SUPT3H: variants seen among roughly 807,000 people sequenced by gnomAD.
SUPT3H encodes the protein transcription initiation protein SPT3 homolog.
A neutral mutation model predicts 44.3 loss-of-function variants in SUPT3H; 44 were observed. The ratio of observed to expected loss-of-function variants is 0.99; its 90% CI spans 0.78 to 1.28. The LOEUF is 1.28. Among genes scored for constraint, SUPT3H ranks in the 50% most tolerant of loss-of-function variants. The pLI is 0.00. For synonymous variants in SUPT3H, 124 were observed against 125.6 expected (o/e 0.99, Z 0.09); for missense variants, 380 against 387.1 (o/e 0.98, Z 0.15).
chr6:45,152,886 C>CTGATCA lies in SUPT3H; in HGVS notation c.102-46886_102-46881dup, dbSNP rs574051360. 5.9e-4 allele frequency among the ~76,000 whole-genome samples: 90 copies of CTGATCA among 152,264 alleles called. 1 individual carries two copies. The highest frequency in any genetic ancestry group is 1.8e-3 in the African/African-American group (74 of 41,554). On this transcript the variant is annotated intron_variant, in intron 2 of 10. Transcript: ENST00000371459. ...ATACATTTAAATAAAATCACAACTC[C>CTGATCA]TGATCATGCCCTACAAGGTCTGGCT... is the stretch of plus-strand genomic sequence containing the variant.
intron 7 of SUPT3H, among the ~76,000 whole-genome samples, chr6:44,955,983 A>G (rs1211157469): frequency 7.3e-5 from 11 of 151,242 alleles, no homozygotes; most frequent in Admixed American, 7.2e-4. Context: ...TTAGCCAGGC[A>G]TGGTAGCGGG....
intron 2 of SUPT3H, among the ~76,000 whole-genome samples, chr6:45,115,797 A>G (rs976935702): frequency 4.6e-5 from 7 of 152,150 alleles, no homozygotes; most frequent in African/African-American, 1.7e-4. Context: ...CTGGGTCTAC[A>G]TCATGTCAGG....
chr6:44,996,117 T>C (rs528796502), intron 6 of SUPT3H, among the ~76,000 whole-genome samples: 74 of 151,994 alleles, frequency 4.9e-4, no homozygotes, highest in African/African-American at 1.7e-3. Flanking sequence ...GTAGGTCTAC[T>C]AGGCTGCAGT....
intron 11 of SUPT3H, among the ~76,000 whole-genome samples, chr6:44,809,779 A>G (rs1461030653): frequency 6.6e-6 from 1 of 152,194 alleles, no homozygotes; most frequent in East Asian, 1.9e-4. Context: ...AACAGATTTC[A>G]GGAGTAAAAA....
In SUPT3H at chr6:45,314,263, C is replaced by A. The variant is rs181135533; in HGVS notation, c.101+50938G>T. Among the ~76,000 whole-genome samples the A allele has an allele frequency of 7.9e-5, 12 of 152,258 alleles. No individual in the cohort carries two copies. The East Asian group carries it at 2.3e-3, about 29-fold the overall frequency. On this transcript the variant is annotated intron_variant, in intron 2 of 10. Transcript: ENST00000371459. ...AAGGATGCCCATTCTCACCACTCCTCTTCAACATAGTACTGGAAGTCTTAG... is the reference window on the plus strand; with the variant it reads ...AAGGATGCCCATTCTCACCACTCCTATTCAACATAGTACTGGAAGTCTTAG...
At chr6:45,076,030 C>T (rs1345331432) in intron 3 of SUPT3H, among the ~76,000 whole-genome samples, 2 of 152,024 alleles carry the variant, frequency 1.3e-5, no homozygotes, top group African/African-American at 2.4e-5. Context: ...CATTTATTAA[C>T]CTCATAATTT....
chr6:44,839,211 C>T (rs1770478532), intron 10 of SUPT3H, among the ~76,000 whole-genome samples: 1 of 152,156 alleles, frequency 6.6e-6, no homozygotes, highest in Admixed American at 6.5e-5. Flanking sequence ...GCCCAGATCA[C>T]CCTTATCACA....
rs113643238 is a variant in SUPT3H at position 44,971,738 on chromosome 6, A to G, written c.505-9910T>C. 8.9e-3 allele frequency among the ~76,000 whole-genome samples: 1,353 copies of G among 152,148 alleles called. 13 individuals are homozygous for G. The highest frequency in any genetic ancestry group is 0.025 in the South Asian group (120 of 4,798). On this transcript the variant is annotated intron_variant, in intron 6 of 10. Coordinates refer to ENST00000371459, the MANE Select transcript of SUPT3H (RefSeq NM_003599.4). The stretch of plus-strand genomic sequence containing the variant: ...CTCATGTCCTCACATTTCAAAACCA[A>G]TCATGCCTTCCCAACATCCCCCAAA...
At chr6:44,835,760 G>A (rs1461725727) in intron 10 of SUPT3H, among the ~76,000 whole-genome samples, 2 of 152,056 alleles carry the variant, frequency 1.3e-5, no homozygotes, top group Non-Finnish European at 2.9e-5. Flanking sequence ...CCACTCCCAA[G>A]CTTTATAGTA....
chr6:45,273,413 C>T (rs1776523605), intron 2 of SUPT3H, among the ~76,000 whole-genome samples: 1 of 152,124 alleles, frequency 6.6e-6, no homozygotes, highest in South Asian at 2.1e-4. Flanking sequence ...ACCCAAGCTT[C>T]CCCATAAATT....
chr6:44,887,710 T>C (rs953228119), intron 10 of SUPT3H, among the ~76,000 whole-genome samples: 2 of 150,742 alleles, frequency 1.3e-5, no homozygotes, highest in African/African-American at 4.9e-5. Context: ...TTAAAAGAAC[T>C]AGAAAAGCAA....
At chr6:45,342,002 A>T (rs1789876106) in intron 2 of SUPT3H, among the ~76,000 whole-genome samples, 1 of 150,330 alleles carries the variant, frequency 6.7e-6, no homozygotes, top group South Asian at 2.1e-4. Context: ...ACCTAGCATT[A>T]AAAAAAAACG....
At chr6:44,843,958 CAT>C (rs1332120833) in intron 10 of SUPT3H, among the ~76,000 whole-genome samples, 3 of 131,804 alleles carry the variant, frequency 2.3e-5, no homozygotes, top group East Asian at 2.2e-4. Flanking sequence ...CACACACACA[CAT>C]GCACAGAAAA....
At chr6:45,361,911 C>T (rs377345444) in intron 2 of SUPT3H, among the ~76,000 whole-genome samples, 1 of 152,052 alleles carries the variant, frequency 6.6e-6, no homozygotes, top group African/African-American at 2.4e-5. Context: ...ATCAGCCTGG[C>T]GTGGTAGCGC....
chr6:45,197,658 T>C, intron 2 of SUPT3H: 1 of 349,600 alleles, frequency 2.9e-6, no homozygotes, highest in Non-Finnish European at 5.7e-6. Flanking sequence ...CAATACTATT[T>C]TTTCATTTAC....
At chr6:45,377,174 G>A (rs534350391) in intron 1 of SUPT3H, 1 of 152,286 alleles carries the variant, frequency 6.6e-6, no homozygotes, top group Admixed American at 6.5e-5. Context: ...ACCTGGCGCT[G>A]TTCTAAGCGT....
chr6:45,030,032 T>C (rs528735118), intron 3 of SUPT3H, among the ~76,000 whole-genome samples: 69 of 152,168 alleles, frequency 4.5e-4, no homozygotes, highest in Non-Finnish European at 8.5e-4. Flanking sequence ...CCCAGAGTGC[T>C]GGGATTACAG....
At chr6:45,108,399 GAT>G (rs1410270174) in intron 2 of SUPT3H, among the ~76,000 whole-genome samples, 1 of 152,092 alleles carries the variant, frequency 6.6e-6, no homozygotes, top group African/African-American at 2.4e-5. Context: ...TCCTTGTTTT[GAT>G]ATGTGTGTGT....
In SUPT3H at chr6:45,003,665, T is replaced by C. The variant is rs759635776; in HGVS notation, c.492A>G (p.Gln164=). The change falls in exon 6 of 11, where the codon CAA becomes CAG. Residue 164 remains glutamine, a synonymous_variant. Transcript: ENST00000371459. ...GAATGTACTATACCTCCATTCTTTC[T>C]TGTTTAACTTCATCAATTTCGTCAT... is the stretch of plus-strand genomic sequence containing the variant. ...FEDDEIDEVK[Q]ERMERAERQT... 2 of 1,613,548 alleles carry C rather than the reference T, an allele frequency of 1.2e-6. No homozygotes were observed. Among genetic ancestry groups the C allele is most frequent in the Admixed American group, 3.3e-5 (2 of 59,898 alleles).
Sources: allele counts gnomAD v4.1 joint callset (sites outside exome capture counted in the v4.1 genomes callset), GRCh38; gene constraint gnomAD v4.1.1; transcripts MANE v1.5; gene names NCBI Gene and HGNC (gene_info 2026-07-23, HGNC 2026-07-21).